Variants in ROBO2 observed in about 807,000 individuals in gnomAD.
ROBO2 encodes the protein roundabout guidance receptor 2.
In ROBO2, 53 loss-of-function variants were observed where a neutral mutation model predicts 160.8. The observed-to-expected ratio is 0.33, with a 90% confidence interval of 0.26 to 0.41. The LOEUF (loss-of-function observed/expected upper bound fraction) is 0.41. Among genes scored for constraint, ROBO2 ranks in the 10% least tolerant of loss-of-function variants. The probability of loss-of-function intolerance (pLI) is 1.00; values close to 1 mark genes in which losing one functional copy is unlikely to be tolerated. For missense variants in ROBO2, 1,577 were observed against 1,722.4 expected (o/e 0.92, Z 1.49); for synonymous variants, 664 against 611.7 (o/e 1.09, Z -1.26).
At chr3:75,909,168 T>C (rs1231331356) in intron 1 of ROBO2, among the ~76,000 whole-genome samples, 1 of 152,224 alleles carries the variant, frequency 6.6e-6, no homozygotes, top group Non-Finnish European at 1.5e-5. Flanking sequence ...CAAATAGGCT[T>C]CTTCAAGAGT....
chr3:76,553,197 A>G (rs2083515430), intron 2 of ROBO2, among the ~76,000 whole-genome samples: 1 of 152,138 alleles, frequency 6.6e-6, no homozygotes, highest in South Asian at 2.1e-4. Flanking sequence ...TCTTTCAGGG[A>G]TTGTAATTAG....
At chr3:76,966,110 C>A (rs947705328) in intron 2 of ROBO2, among the ~76,000 whole-genome samples, 1 of 151,460 alleles carries the variant, frequency 6.6e-6, no homozygotes, top group Non-Finnish European at 1.5e-5. Context: ...TTAGTAGAGA[C>A]GGGGTTTCTC....
In ROBO2 at chr3:76,088,863, A is replaced by G. The variant is rs184910557; in HGVS notation, c.109+151261A>G. Among the ~76,000 whole-genome samples the G allele has an allele frequency of 5.3e-3, 801 of 152,138 alleles. 13 individuals are homozygous for G. The highest frequency in any genetic ancestry group is 0.018 in the African/African-American group (732 of 41,548). ...GCAGAGAAAAGAAATAATAAAAATT[A>G]GTGGAGGAATCCATGACACTAAAGA... On this transcript the variant is annotated intron_variant, in intron 2 of 26. Coordinates refer to the ROBO2 transcript ENST00000487694.
At chr3:76,781,507 A>C (rs2062643133) in intron 2 of ROBO2, among the ~76,000 whole-genome samples, 1 of 150,694 alleles carries the variant, frequency 6.6e-6, no homozygotes, top group Non-Finnish European at 1.5e-5. Context: ...AATAGCTTTC[A>C]GCATTTTGAC....
rs71104679 is a variant in ROBO2, at chr3:77,386,603, A to ATTTTTTTTTTTT, written c.389-90805_389-90794dup. 3.7e-3 allele frequency among the ~76,000 whole-genome samples: 336 copies of ATTTTTTTTTTTT among 91,842 alleles called. 30 individuals are homozygous for ATTTTTTTTTTTT. Among genetic ancestry groups the ATTTTTTTTTTTT allele is most frequent in the Non-Finnish European group, 5.5e-3 (258 of 47,082 alleles). 60.3% of individuals were successfully genotyped at this position (91,842 alleles called of 152,430 possible). Reference sequence around the variant, plus strand: ...AGTTAATTATTTTTTCAGCCAGGTAATTTTTTTTTTTTTTTTTGAAATAGA... The same window carrying ATTTTTTTTTTTT: ...AGTTAATTATTTTTTCAGCCAGGTAATTTTTTTTTTTTTTTTTTTTTTTTTTTTTGAAATAGA... On this transcript the variant is annotated intron_variant, in intron 2 of 25. Transcript: ENST00000461745.
intron 2 of ROBO2, among the ~76,000 whole-genome samples, chr3:76,732,226 TAA>T (rs1272476090): frequency 1.3e-5 from 2 of 152,036 alleles, no homozygotes; most frequent in Admixed American, 6.6e-5. Flanking sequence ...GTAGAAAATA[TAA>T]GAGTATGGGG....
intron 2 of ROBO2, among the ~76,000 whole-genome samples, chr3:76,572,731 T>C (rs377698256): frequency 6.6e-6 from 1 of 152,296 alleles, no homozygotes; most frequent in Non-Finnish European, 1.5e-5. Context: ...GAGTCACAGA[T>C]TGATGTATGC....
At chr3:77,151,549 A>G (rs559359641) in intron 2 of ROBO2, among the ~76,000 whole-genome samples, 2 of 152,120 alleles carry the variant, frequency 1.3e-5, no homozygotes, top group Non-Finnish European at 2.9e-5. Context: ...GTGTAATTCT[A>G]TGTGGACAGA....
chr3:77,492,486 A>G (rs1180722961), intron 4 of ROBO2, among the ~76,000 whole-genome samples: 1 of 152,168 alleles, frequency 6.6e-6, no homozygotes, highest in Non-Finnish European at 1.5e-5. Flanking sequence ...ACAGATTAAT[A>G]AAAGAAGAAA....
chr3:77,382,793 C>A (rs1430744816), intron 2 of ROBO2, among the ~76,000 whole-genome samples: 1 of 152,166 alleles, frequency 6.6e-6, no homozygotes, highest in Non-Finnish European at 1.5e-5. Flanking sequence ...TGCATATATA[C>A]CACATTTTCT....
At chr3:76,953,007 C>G (rs1447030884) in intron 2 of ROBO2, among the ~76,000 whole-genome samples, 11 of 152,096 alleles carry the variant, frequency 7.2e-5, no homozygotes, top group Non-Finnish European at 2.9e-5. Context: ...CTGTACCATT[C>G]TGACAAAAAT....
At chr3:76,531,258 A>C (rs2082209044) in intron 2 of ROBO2, among the ~76,000 whole-genome samples, 1 of 151,266 alleles carries the variant, frequency 6.6e-6, no homozygotes, top group Non-Finnish European at 1.5e-5. Context: ...TAATTCATTG[A>C]ACCAAATGCA....
intron 2 of ROBO2, among the ~76,000 whole-genome samples, chr3:77,366,570 T>A (rs1162911968): frequency 2.0e-5 from 3 of 152,262 alleles, no homozygotes; most frequent in African/African-American, 7.2e-5. Context: ...CTCAGTCTGT[T>A]TATGTTGCTA....
intron 2 of ROBO2, among the ~76,000 whole-genome samples, chr3:76,784,688 C>A (rs2108646690): frequency 6.6e-6 from 1 of 151,188 alleles, no homozygotes; most frequent in East Asian, 2.0e-4. Context: ...AGTCATCCTG[C>A]AGGTTCATGG....
At chr3:77,279,954 A>G (rs1039652889) in intron 2 of ROBO2, among the ~76,000 whole-genome samples, 3 of 152,158 alleles carry the variant, frequency 2.0e-5, no homozygotes, top group Non-Finnish European at 2.9e-5. Flanking sequence ...CCTCTCTTAT[A>G]TAATATATTG....
intron 2 of ROBO2, among the ~76,000 whole-genome samples, chr3:77,449,668 G>A (rs772540664): frequency 3.3e-5 from 5 of 152,066 alleles, no homozygotes; most frequent in Non-Finnish European, 5.9e-5. Context: ...TTTGCGATAT[G>A]CTACATTTTG....
intron 2 of ROBO2, among the ~76,000 whole-genome samples, chr3:77,278,145 G>T (rs2060015094): frequency 1.3e-5 from 2 of 152,072 alleles, no homozygotes; most frequent in South Asian, 2.1e-4. Flanking sequence ...TTTATATTTT[G>T]GTTCTTATAG....
chr3:76,580,354 G>GTTTTTTTTTTTTGT (rs1457222056), intron 2 of ROBO2, among the ~76,000 whole-genome samples: 4 of 46,364 alleles, frequency 8.6e-5, no homozygotes, highest in African/African-American at 1.5e-4. Flanking sequence ...TTTTTTTTTT[G>GTTTTTTTTTTTTGT]TTTTTTTTTT....
chr3:76,405,407 A>T (rs148875638), intron 2 of ROBO2, among the ~76,000 whole-genome samples: 241 of 151,802 alleles, frequency 1.6e-3, no homozygotes, highest in Non-Finnish European at 2.6e-3. Flanking sequence ...ATGATTTTGG[A>T]ATGTACAGAG....
Sources: allele counts gnomAD v4.1 joint callset (sites outside exome capture counted in the v4.1 genomes callset), GRCh38; gene constraint gnomAD v4.1.1; transcripts MANE v1.5; gene names NCBI Gene and HGNC (gene_info 2026-07-23, HGNC 2026-07-21).